Variants in GDF1 observed in about 807,000 individuals in gnomAD.
The protein encoded by GDF1 is embryonic growth/differentiation factor 1.
In GDF1, 8 loss-of-function variants were observed where a neutral mutation model predicts 7.4. The ratio of observed to expected loss-of-function variants is 1.09; its 90% CI spans 0.64 to 1.96. The LOEUF (loss-of-function observed/expected upper bound fraction) is 1.96. GDF1 is among the 30% of genes most tolerant of loss of function. GDF1 has a pLI of 0.00. For missense variants in GDF1, 574 were observed against 551.5 expected, an observed-to-expected ratio of 1.04 and a Z score of -0.41; for synonymous variants, 311 against 276.7, an observed-to-expected ratio of 1.12 and a Z score of -1.23.
Position 18,896,059 on chromosome 19 carries a change from C to G in GDF1, c.-1309G>C, listed in dbSNP as rs1297490124. The G allele has an allele frequency of 9.2e-6, 9 of 982,036 alleles. No individual in the cohort carries two copies. The highest frequency in any genetic ancestry group is 1.1e-5 in the Non-Finnish European group (9 of 828,660). The allele number at this position is 982,036 out of a possible 1,614,324, so 60.8% of individuals were successfully genotyped here. Reference sequence around the variant, plus strand: ...GGGCCCCGTCGGCCCCGCCGCGGGCCCCGCCGCCGCCATACCGCCCGCTCG... The same window carrying G: ...GGGCCCCGTCGGCCCCGCCGCGGGCGCCGCCGCCGCCATACCGCCCGCTCG... On this transcript the variant is annotated 5_prime_UTR_variant, in exon 1 of 8. Transcript: ENST00000247005. This position sits in a 1 kb window ranked among gnomAD's most constrained non-coding sequence, Gnocchi z 5.9.
Position 18,880,381 on chromosome 19 carries a change from C to T in GDF1, c.-678G>A. 1.3e-6 allele frequency: 2 copies of T among 1,580,106 alleles called. No homozygotes were observed. The highest frequency in any genetic ancestry group is 8.6e-7 in the Non-Finnish European group (1 of 1,163,086). ...AAATGTTGAGCTTGGTGAACTCAAGCTGCACGTCACTGATATCGTGCAGGA... is the reference window on the plus strand; with the variant it reads ...AAATGTTGAGCTTGGTGAACTCAAGTTGCACGTCACTGATATCGTGCAGGA... On this transcript the variant is annotated 5_prime_UTR_variant, in exon 4 of 8. Transcript: ENST00000247005.
chr19:18,891,761 A>C lies in GDF1; in HGVS notation c.-914+1655T>G, dbSNP rs565918677. Among the ~76,000 whole-genome samples the C allele has an allele frequency of 2.0e-5, 3 of 150,824 alleles. No homozygotes were observed. In the South Asian group the frequency reaches 6.3e-4, roughly 32 times the overall value. On this transcript the variant is annotated intron_variant, in intron 2 of 7. Transcript: ENST00000247005. ...CCAGGCTAATTTTTTGTAGAGATGG[A>C]GGTCTTACCATGTTGCCCCAGCTGC...
Position 18,880,444 on chromosome 19 carries a change from G to C in GDF1, c.-732-9C>G. ...TGCCCACATTGTGGTACCTGGGGGA[G>C]CAGCAGGCAGAGAGGAGAGGGCAGC... On this transcript the variant is annotated splice_polypyrimidine_tract_variant and intron_variant, in intron 3 of 7. Coordinates refer to ENST00000247005, the MANE Select transcript of GDF1 (RefSeq NM_001492.6). The C allele has an allele frequency of 6.3e-7, 1 of 1,575,400 alleles. No homozygotes were observed. Among genetic ancestry groups the C allele is most frequent in the African/African-American group, 1.3e-5 (1 of 74,410 alleles).
At chr19:18,886,917 A>G (rs2056375903) in intron 2 of GDF1, among the ~76,000 whole-genome samples, 1 of 152,048 alleles carries the variant, frequency 6.6e-6, no homozygotes, top group Admixed American at 6.5e-5. Flanking sequence ...CTCTCCAGCG[A>G]TCCCTGGCCC....
In GDF1 at chr19:18,879,038, T is replaced by C. The variant is rs894308138; in HGVS notation, c.-421A>G. ...CACCTTGGCTGCAAACGCCACGATG[T>C]ACTGCGAGAGGGGAGGGGAGGTGCC... On this transcript the variant is annotated splice_region_variant and 5_prime_UTR_variant, in exon 6 of 8. Transcript: ENST00000247005. 6.2e-7 allele frequency: 1 copy of C among 1,613,268 alleles called. No individual in the cohort carries two copies. The highest frequency in any genetic ancestry group is 1.3e-5 in the African/African-American group (1 of 74,920).
At chr19:18,883,745 C>T (rs188868543) in intron 3 of GDF1, among the ~76,000 whole-genome samples, 6 of 152,198 alleles carry the variant, frequency 3.9e-5, no homozygotes. Flanking sequence ...TTGGGCGTGG[C>T]AGGTGCTCAG....
chr19:18,873,756 G>A (rs1049846964), intron 6 of GDF1, among the ~76,000 whole-genome samples: 1 of 151,418 alleles, frequency 6.6e-6, no homozygotes, highest in Admixed American at 6.6e-5. Flanking sequence ...CAGGAGAATC[G>A]CTTGAACCTG....
At chr19:18,892,902 C>G (rs2056527517) in intron 2 of GDF1, among the ~76,000 whole-genome samples, 1 of 151,918 alleles carries the variant, frequency 6.6e-6, no homozygotes, top group East Asian at 1.9e-4. Context: ...GATAAGCATC[C>G]CCTTACACTG....
chr19:18,888,251 C>T (rs1031522017), intron 2 of GDF1, among the ~76,000 whole-genome samples: 8 of 151,904 alleles, frequency 5.3e-5, no homozygotes, highest in South Asian at 2.1e-4. Context: ...CCCAGCTATT[C>T]GGGAGGCTGA....
rs576051196 is a variant in GDF1, at chr19:18,890,871, C to A, written c.-914+2545G>T. ...GGGCGTGGTGGCTCATGCCTGTAAT[C>A]CTGACACTTTGGGAGGCTGAGGCGG... On this transcript the variant is annotated intron_variant, in intron 2 of 7. Coordinates refer to ENST00000247005, the MANE Select transcript of GDF1 (RefSeq NM_001492.6). 1.3e-5 allele frequency among the ~76,000 whole-genome samples: 2 copies of A among 151,216 alleles called. 1 individual carries two copies. Among genetic ancestry groups the A allele is most frequent in the East Asian group, 3.9e-4 (2 of 5,152 alleles).
At chr19:18,881,512 G>T (rs2056208133) in intron 3 of GDF1, among the ~76,000 whole-genome samples, 1 of 151,410 alleles carries the variant, frequency 6.6e-6, no homozygotes, top group Non-Finnish European at 1.5e-5. Context: ...GAGCCACCGT[G>T]CCCGGCCCCA....
At chr19:18,876,536 T>TGTG (rs1555703706) in intron 6 of GDF1, among the ~76,000 whole-genome samples, 31 of 143,276 alleles carry the variant, frequency 2.2e-4, no homozygotes, top group Admixed American at 1.8e-3. Context: ...TTTGATTGGG[T>TGTG]TGTGTGTGTG....
chr19:18,873,547 A>G (rs1423607386), intron 6 of GDF1, among the ~76,000 whole-genome samples: 2 of 151,984 alleles, frequency 1.3e-5, no homozygotes, highest in African/African-American at 4.8e-5. Flanking sequence ...AATTTTAAAA[A>G]TTAGCCGGGG....
rs1314004664 is a variant in GDF1 at position 18,878,831 on chromosome 19, G to A, written c.-313+99C>T. The A allele has an allele frequency of 1.3e-6, 2 of 1,528,032 alleles. No homozygotes were observed. The highest frequency in any genetic ancestry group is 2.4e-5 in the East Asian group (1 of 41,338). The allele number at this position is 1,528,032 out of a possible 1,614,324, so 94.7% of individuals were successfully genotyped here. On this transcript the variant is annotated intron_variant, in intron 6 of 7. Coordinates refer to ENST00000247005, the MANE Select transcript of GDF1 (RefSeq NM_001492.6). The surrounding 1 kb of genome is among the most constrained non-coding windows in gnomAD (Gnocchi z 4.6). ...GGCTTGGGGGGCAGCATCCGCGTCG[G>A]CCTCATCTGCTGCTGGGTCTTGGGG...
chr19:18,886,747 C>T (rs2056371022), intron 2 of GDF1, among the ~76,000 whole-genome samples: 1 of 152,132 alleles, frequency 6.6e-6, no homozygotes, highest in African/African-American at 2.4e-5. Flanking sequence ...GCCCTGCAGC[C>T]CAGCTGCCTC....
rs766003135 is a variant in GDF1 at position 18,869,349 on chromosome 19, G to A, written c.367C>T (p.His123Tyr). The A allele has an allele frequency of 4.6e-6, 7 of 1,532,086 alleles. No homozygotes were observed. In the Admixed American group the frequency reaches 5.9e-5, roughly 13 times the overall value. 94.9% of individuals were successfully genotyped at this position (1,532,086 alleles called of 1,614,324 possible). A position where few individuals can be genotyped will look rare whatever the true frequency, so the allele number is the denominator to read the frequency against. Residue 123 changes from histidine (H) to tyrosine (Y), a missense_variant, in exon 8 of 8, where the codon CAT becomes TAT. By Grantham distance (83) the His-to-Tyr change is moderately conservative (BLOSUM62 2). Coordinates refer to ENST00000247005, the MANE Select transcript of GDF1 (RefSeq NM_001492.6). ...AAGACGACTGTCCACTCAGGGCAAT[G>A]CCCCGCGGCCGAGGCAGGCTCCGAG... ...RASEPASAAG[H>Y]CPEWTVVFDL...
chr19:18,874,630 CAG>C (rs2056030261), intron 6 of GDF1, among the ~76,000 whole-genome samples: 1 of 152,184 alleles, frequency 6.6e-6, no homozygotes, highest in African/African-American at 2.4e-5. Flanking sequence ...GGACTTTGGA[CAG>C]AGGGGCTGAG....
chr19:18,888,889 CTTTT>C (rs756124590), intron 2 of GDF1, among the ~76,000 whole-genome samples: 13 of 122,904 alleles, frequency 1.1e-4, no homozygotes, highest in African/African-American at 3.7e-4. Context: ...TTCTTTCTTT[CTTTT>C]TTTTTTTTTT....
In GDF1 at chr19:18,870,088, T is replaced by C; in HGVS notation, c.220A>G (p.Thr74Ala). Residue 74 changes from threonine to alanine, a missense_variant, in exon 7 of 8, where the codon ACC becomes GCC. Thr to Ala is a moderately conservative substitution (Grantham distance 58). Transcript: ENST00000247005. The surrounding 1 kb of genome is among the most constrained non-coding windows in gnomAD (Gnocchi z 5.1). The stretch of plus-strand genomic sequence containing the variant: ...GACGTCCGCCGCGAGCCAGACCTGG[T>C]CTCCTGGGGGTCCCGGCGTCGAAAC... ...RLFRRRDPQETRSGSRRTSPG... is the reference protein window; with the variant it reads ...RLFRRRDPQEARSGSRRTSPG... The C allele has an allele frequency of 6.3e-7, 1 of 1,578,566 alleles. No individual in the cohort carries two copies. The highest frequency in any genetic ancestry group is 8.6e-7 in the Non-Finnish European group (1 of 1,166,998).
Sources: allele counts gnomAD v4.1 joint callset (sites outside exome capture counted in the v4.1 genomes callset), GRCh38; gene constraint gnomAD v4.1.1; non-coding constraint Gnocchi (gnomAD v3.1); transcripts MANE v1.5; gene names NCBI Gene and HGNC (gene_info 2026-07-23, HGNC 2026-07-21).